The following FTCDNL1 variants were observed in gnomAD, a reference collection of about 807,000 sequenced individuals.
The protein encoded by FTCDNL1 is formiminotransferase cyclodeaminase N-terminal like.
A neutral mutation model predicts 5.9 loss-of-function variants in FTCDNL1; 11 were observed. That is an observed-to-expected ratio of 1.87 (90% confidence interval 1.18 to 3.10). FTCDNL1 has a LOEUF of 3.10. Among genes scored for constraint, FTCDNL1 ranks in the 30% most tolerant of loss-of-function variants. FTCDNL1 has a pLI of 0.00. For synonymous variants in FTCDNL1, 58 were observed against 24.8 expected (o/e 2.34, Z -3.99); for missense variants, 115 against 65.5 (o/e 1.76, Z -2.61).
chr2:199,765,555 TA>T (rs66468521), intron 3 of FTCDNL1, among the ~76,000 whole-genome samples: 137 of 76,828 alleles, frequency 1.8e-3, no homozygotes, highest in Middle Eastern at 0.013. Flanking sequence ...TATATATATA[TA>T]TTTTTTTTTT....
At chr2:199,757,546 C>T (rs767848674), downstream of FTCDNL1, among the ~76,000 whole-genome samples, 2 of 152,172 alleles carry the variant, frequency 1.3e-5, no homozygotes, top group African/African-American at 2.4e-5. Flanking sequence ...CAGCAGCCTC[C>T]CACAGTAGAT....
At chr2:199,686,671 C>G in the FTCDNL1 span, among the ~76,000 whole-genome samples, 3 of 152,126 alleles carry the variant, frequency 2.0e-5, no homozygotes, top group Non-Finnish European at 4.4e-5. Flanking sequence ...AAAACTAACT[C>G]TAAGCTGAAA....
the FTCDNL1 span, among the ~76,000 whole-genome samples, chr2:199,700,534 G>C: frequency 7.9e-5 from 12 of 152,058 alleles, no homozygotes; most frequent in Admixed American, 2.6e-4. Flanking sequence ...CACAGAATTA[G>C]AAAAAACTAT....
At chr2:199,833,373 G>T (rs535662495) in intron 3 of FTCDNL1, among the ~76,000 whole-genome samples, 1 of 152,328 alleles carries the variant, frequency 6.6e-6, no homozygotes, top group South Asian at 2.1e-4. Flanking sequence ...CTGACAGGCA[G>T]ATCTACACAT....
chr2:199,699,944 T>C, the FTCDNL1 span, among the ~76,000 whole-genome samples: 13 of 152,164 alleles, frequency 8.5e-5, no homozygotes, highest in East Asian at 2.5e-3. Flanking sequence ...GCCAACACCA[T>C]ACTGAATGAG....
the FTCDNL1 span, among the ~76,000 whole-genome samples, chr2:199,690,475 T>C: frequency 1.2e-3 from 183 of 152,280 alleles, no homozygotes; most frequent in African/African-American, 4.2e-3. Flanking sequence ...CACTTTGCAA[T>C]TGCTGAGCCC....
In FTCDNL1 at chr2:199,768,062, G is replaced by C. The variant is rs556746625; in HGVS notation, c.212-7227C>G. On this transcript the variant is annotated intron_variant, in intron 3 of 3. Coordinates refer to the FTCDNL1 transcript ENST00000416668. ...AGCCCATTTCTAGGCTTGATAAGTA[G>C]AGTACAATACAGACAGTGAAGAGTA... 9.2e-5 allele frequency among the ~76,000 whole-genome samples: 14 copies of C among 152,274 alleles called. No homozygotes were observed. The South Asian group carries it at 1.9e-3, about 20-fold the overall frequency.
At chr2:199,718,125 G>A in the FTCDNL1 span, among the ~76,000 whole-genome samples, 3 of 151,852 alleles carry the variant, frequency 2.0e-5, no homozygotes, top group African/African-American at 4.8e-5. Flanking sequence ...TGCATATATC[G>A]TGTAGTGGTA....
the FTCDNL1 span, among the ~76,000 whole-genome samples, chr2:199,701,835 G>C: frequency 6.6e-6 from 1 of 152,276 alleles, no homozygotes; most frequent in Non-Finnish European, 1.5e-5. Flanking sequence ...AGGAATTTGA[G>C]ACCAGCCTGA....
At chr2:199,744,425 T>C in the FTCDNL1 span, among the ~76,000 whole-genome samples, 1 of 151,472 alleles carries the variant, frequency 6.6e-6, no homozygotes, top group South Asian at 2.1e-4. Context: ...TCTCTCTCTC[T>C]ACACAAACAC....
chr2:199,665,489 C>T, the FTCDNL1 span, among the ~76,000 whole-genome samples: 3 of 151,874 alleles, frequency 2.0e-5, no homozygotes, highest in African/African-American at 7.3e-5. Context: ...AAAAAATTAG[C>T]TGGGGTGGTG....
At chr2:199,696,271 C>T in the FTCDNL1 span, among the ~76,000 whole-genome samples, 9 of 152,350 alleles carry the variant, frequency 5.9e-5, no homozygotes, top group Middle Eastern at 0.014. Flanking sequence ...CACCCTGCTG[C>T]CACTGGCACA....
chr2:199,702,126 G>A, the FTCDNL1 span, among the ~76,000 whole-genome samples: 1 of 151,992 alleles, frequency 6.6e-6, no homozygotes, highest in African/African-American at 2.4e-5. Context: ...AACAGACACC[G>A]GGGCCTGCTC....
intron 3 of FTCDNL1, among the ~76,000 whole-genome samples, chr2:199,771,454 T>C (rs1285617527): frequency 6.6e-6 from 1 of 152,206 alleles, no homozygotes; most frequent in Non-Finnish European, 1.5e-5. Context: ...ATTTTGCTTC[T>C]TGAACCATAA....
the FTCDNL1 span, among the ~76,000 whole-genome samples, chr2:199,669,227 G>C: frequency 6.6e-6 from 1 of 152,164 alleles, no homozygotes; most frequent in Non-Finnish European, 1.5e-5. Flanking sequence ...CCTTTGAGAA[G>C]AGACTAGAAA....
chr2:199,775,604 T>C (rs1388650268), intron 3 of FTCDNL1, among the ~76,000 whole-genome samples: 1 of 152,208 alleles, frequency 6.6e-6, no homozygotes, highest in Non-Finnish European at 1.5e-5. Context: ...CTGCTCCAGA[T>C]ATCCACGCTC....
chr2:199,765,343 G>C (rs963580247), intron 3 of FTCDNL1, among the ~76,000 whole-genome samples: 2 of 151,524 alleles, frequency 1.3e-5, no homozygotes, highest in Non-Finnish European at 2.9e-5. Context: ...GGGAGCAGGG[G>C]AGCAAGAAGT....
At chr2:199,679,977 G>C in the FTCDNL1 span, among the ~76,000 whole-genome samples, 1 of 152,128 alleles carries the variant, frequency 6.6e-6, no homozygotes, top group Admixed American at 6.5e-5. Context: ...ATATATGTTA[G>C]TGTGGTTTTG....
downstream of FTCDNL1, among the ~76,000 whole-genome samples, chr2:199,809,057 C>A (rs1026033793): frequency 6.6e-6 from 1 of 152,130 alleles, no homozygotes; most frequent in African/African-American, 2.4e-5. Flanking sequence ...ACCAGAGCAA[C>A]TAAAATTCCT....
Sources: allele counts gnomAD v4.1 joint callset (sites outside exome capture counted in the v4.1 genomes callset), GRCh38; gene constraint gnomAD v4.1.1; transcripts MANE v1.5; gene names NCBI Gene and HGNC (gene_info 2026-07-23, HGNC 2026-07-21).